Variants in CCDC15 observed in about 807,000 individuals in gnomAD.
CCDC15 encodes coiled-coil domain containing 15.
A neutral mutation model predicts 114.5 loss-of-function variants in CCDC15; 105 were observed. That is an observed-to-expected ratio of 0.92 (90% CI 0.78 to 1.08). The LOEUF (loss-of-function observed/expected upper bound fraction) is 1.08. Among genes scored for constraint, CCDC15 ranks in the 50% least tolerant of loss-of-function variants. The pLI is 0.00. For synonymous variants in CCDC15, 334 were observed against 377.8 expected, an observed-to-expected ratio of 0.88 and a Z score of 1.34; for missense variants, 1,105 against 1,093.6, an observed-to-expected ratio of 1.01 and a Z score of -0.15.
chr11:124,957,998 A>G (rs919274086), intron 2 of CCDC15, among the ~76,000 whole-genome samples: 17 of 152,208 alleles, frequency 1.1e-4, no homozygotes, highest in African/African-American at 4.1e-4. Flanking sequence ...TTCTGCTACT[A>G]GTTAGCTATA....
intron 4 of CCDC15, among the ~76,000 whole-genome samples, chr11:124,960,809 CA>C (rs1454388029): frequency 6.6e-6 from 1 of 152,138 alleles, no homozygotes; most frequent in Non-Finnish European, 1.5e-5. Context: ...CCAGTTGATA[CA>C]GTCTTCAACT....
At chr11:124,997,392 T>C (rs1199590800) in intron 11 of CCDC15, among the ~76,000 whole-genome samples, 1 of 152,122 alleles carries the variant, frequency 6.6e-6, no homozygotes, top group African/African-American at 2.4e-5. Context: ...GTGGCTCAAG[T>C]GATCCTCCTG....
intron 4 of CCDC15, among the ~76,000 whole-genome samples, chr11:124,973,038 C>A (rs991505558): frequency 6.6e-6 from 1 of 152,048 alleles, no homozygotes; most frequent in Admixed American, 6.6e-5. Context: ...CATTATTCAC[C>A]CAATGACAGT....
intron 8 of CCDC15, 38 bp downstream of exon 8, chr11:124,988,172 T>C: frequency 6.4e-7 from 1 of 1,567,680 alleles, no homozygotes; most frequent in Non-Finnish European, 8.6e-7. Flanking sequence ...AAAGAAGAAA[T>C]AAGCTACTTA....
intron 13 of CCDC15, among the ~76,000 whole-genome samples, chr11:125,012,333 A>G (rs1206296099): frequency 2.0e-5 from 3 of 152,234 alleles, no homozygotes; most frequent in African/African-American, 7.2e-5. Context: ...CCTCTTATCC[A>G]GGTCTAAGAG....
intron 13 of CCDC15, among the ~76,000 whole-genome samples, chr11:125,016,112 C>G (rs528672699): frequency 6.6e-5 from 10 of 152,002 alleles, no homozygotes; most frequent in Admixed American, 1.3e-4. Context: ...TATTTTATTA[C>G]TAGTTTGTTT....
intron 13 of CCDC15, among the ~76,000 whole-genome samples, chr11:125,022,473 T>G (rs1948667751): frequency 6.6e-6 from 1 of 151,946 alleles, no homozygotes; most frequent in South Asian, 2.1e-4. Flanking sequence ...AAGAAAATCT[T>G]TGTTTAAAGT....
chr11:124,980,609 G>A (rs1156294524), intron 6 of CCDC15, among the ~76,000 whole-genome samples: 1 of 152,194 alleles, frequency 6.6e-6, no homozygotes, highest in Non-Finnish European at 1.5e-5. Flanking sequence ...TGTGAGGCCA[G>A]TGGTAATGTC....
At chr11:124,986,175 G>C (rs1326908016) in intron 6 of CCDC15, among the ~76,000 whole-genome samples, 1 of 152,144 alleles carries the variant, frequency 6.6e-6, no homozygotes, top group African/African-American at 2.4e-5. Flanking sequence ...ATAAATGTGA[G>C]GGTTTATTTC....
intron 6 of CCDC15, among the ~76,000 whole-genome samples, chr11:124,980,509 G>A (rs955179376): frequency 6.6e-6 from 1 of 152,134 alleles, no homozygotes; most frequent in African/African-American, 2.4e-5. Flanking sequence ...GAGGTTGTAT[G>A]TTTCCAGATA....
chr11:124,982,608 A>G (rs990577953), intron 6 of CCDC15, among the ~76,000 whole-genome samples: 5 of 152,210 alleles, frequency 3.3e-5, no homozygotes, highest in African/African-American at 1.2e-4. Context: ...AATGCTTAAT[A>G]TAGGCCCCCA....
chr11:125,016,006 A>C (rs1398694536), intron 13 of CCDC15, among the ~76,000 whole-genome samples: 1 of 152,218 alleles, frequency 6.6e-6, no homozygotes, highest in African/African-American at 2.4e-5. Context: ...TACAATGAAT[A>C]ACATACTGAA....
chr11:124,989,815 G>C (rs935075973), intron 8 of CCDC15, among the ~76,000 whole-genome samples: 2 of 152,152 alleles, frequency 1.3e-5, no homozygotes, highest in African/African-American at 2.4e-5. Context: ...TCATAATATT[G>C]AAGAGAGTTA....
At chr11:124,967,780 T>C (rs1947809140) in intron 4 of CCDC15, among the ~76,000 whole-genome samples, 1 of 152,240 alleles carries the variant, frequency 6.6e-6, no homozygotes, top group African/African-American at 2.4e-5. Context: ...TTATTTACCT[T>C]TGGTCTTTGA....
rs181077636 is a variant in CCDC15 at position 124,986,584 on chromosome 11, C to G, written c.754-158C>G. Reference sequence around the variant, plus strand: ...TTGTATAACATTTGACTATGCTGACCTACTAAAATTATAATAGCAGTGACC... The same window carrying G: ...TTGTATAACATTTGACTATGCTGACGTACTAAAATTATAATAGCAGTGACC... On this transcript the variant is annotated intron_variant, in intron 6 of 15. Coordinates refer to ENST00000344762, the MANE Select transcript of CCDC15 (RefSeq NM_025004.3). Among the ~76,000 whole-genome samples, 522 of 152,052 alleles carry G rather than the reference C, an allele frequency of 3.4e-3. 2 individuals are homozygous for G. Among genetic ancestry groups the G allele is most frequent in the African/African-American group, 0.012 (498 of 41,442 alleles).
intron 12 of CCDC15, 71 bp from the exon 13 acceptor site, chr11:125,005,038 T>A: frequency 1.5e-6 from 1 of 650,006 alleles, no homozygotes; most frequent in Non-Finnish European, 2.6e-6. Flanking sequence ...GTCTATGGTA[T>A]AAGAATATTT....
chr11:124,964,190 T>A (rs1947724849), intron 4 of CCDC15, among the ~76,000 whole-genome samples: 1 of 152,174 alleles, frequency 6.6e-6, no homozygotes, highest in South Asian at 2.1e-4. Flanking sequence ...AAGTCAGTGG[T>A]AGCTTGATGG....
rs1947951349 is a variant in CCDC15 at position 124,975,088 on chromosome 11, C to T, written c.517-8C>T. On this transcript the variant is annotated splice_region_variant and splice_polypyrimidine_tract_variant and intron_variant, in intron 4 of 15. Transcript: ENST00000344762. The stretch of plus-strand genomic sequence containing the variant: ...TTTTGTTTGCTTTCTTCCCCCTTTC[C>T]CTGGCAGCTTAGTGAAACTATGAAA... 2 of 1,549,140 alleles carry T rather than the reference C, an allele frequency of 1.3e-6. No homozygotes were observed. The highest frequency in any genetic ancestry group is 2.4e-5 in the South Asian group (2 of 82,422).
intron 13 of CCDC15, among the ~76,000 whole-genome samples, chr11:125,013,209 G>T (rs1948607136): frequency 6.6e-6 from 1 of 152,082 alleles, no homozygotes; most frequent in South Asian, 2.1e-4. Flanking sequence ...ATGCTTTATA[G>T]ATGAGTTAAT....
Sources: allele counts gnomAD v4.1 joint callset (sites outside exome capture counted in the v4.1 genomes callset), GRCh38; gene constraint gnomAD v4.1.1; transcripts MANE v1.5; gene names NCBI Gene and HGNC (gene_info 2026-07-23, HGNC 2026-07-21).